Variants in OASL observed in about 807,000 individuals in gnomAD.
OASL encodes 2'-5'-oligoadenylate synthase-like protein.
OASL carries 28 observed loss-of-function variants against 35.3 expected under a neutral mutation model. The ratio of observed to expected loss-of-function variants is 0.79; its 90% confidence interval spans 0.59 to 1.09. The LOEUF (loss-of-function observed/expected upper bound fraction) is 1.09, where lower values mean the gene tolerates loss of function less well. Ranked by LOEUF, OASL falls within the 50% of genes least tolerant of loss-of-function variation. The pLI is 0.00. For synonymous variants in OASL, 252 were observed against 254.6 expected (o/e 0.99, Z 0.10); for missense variants, 620 against 635.2 (o/e 0.98, Z 0.26).
At chr12:121,027,943 T>G (rs1387011839) in intron 3 of OASL, 126 bp from the exon 4 acceptor site, 8 of 757,520 alleles carry the variant, frequency 1.1e-5, no homozygotes, top group Non-Finnish European at 1.7e-5. Flanking sequence ...CTGTGTGACC[T>G]TGGCCATGTC....
At position 121,024,155 on chromosome 12, in the gene OASL, G is replaced by A; in HGVS notation, c.900-18C>T. 6.2e-7 allele frequency: 1 copy of A among 1,612,150 alleles called. No homozygotes were observed. Among genetic ancestry groups the A allele is most frequent in the Non-Finnish European group, 8.5e-7 (1 of 1,178,930 alleles). On this transcript the variant is annotated intron_variant, in intron 4 of 5. Coordinates refer to ENST00000257570, the Ensembl canonical transcript of OASL. ...TGATGGGCCTGTAACACAGGAAAAGGGTGCCCAGGCTCATAATGGTTTGAA... is the reference window on the plus strand; with the variant it reads ...TGATGGGCCTGTAACACAGGAAAAGAGTGCCCAGGCTCATAATGGTTTGAA...
exon 3 of OASL, chr12:121,031,450 A>T (rs1260226166): frequency 1.2e-6 from 2 of 1,613,094 alleles, no homozygotes; most frequent in African/African-American, 2.7e-5. Context: ...ACCTGCTGGT[A>T]CCAGTGTTTC....
chr12:121,039,180 A>G, exon 1 of OASL: 1 of 585,684 alleles, frequency 1.7e-6, no homozygotes, highest in Non-Finnish European at 3.1e-6. Context: ...GTAGGGGCAC[A>G]GGAGGACTCT....
chr12:121,033,492 C>T (rs1470209811), exon 2 of OASL: 8 of 1,613,362 alleles, frequency 5.0e-6, no homozygotes, highest in Admixed American at 1.7e-5. Flanking sequence ...CAATGGTGAC[C>T]GTGATGGGCT....
At chr12:121,027,506 T>C (rs1233781549) in intron 4 of OASL, 70 bp downstream of exon 4, 1 of 1,595,588 alleles carries the variant, frequency 6.3e-7, no homozygotes, top group Admixed American at 1.7e-5. Flanking sequence ...CATAAAACTC[T>C]ATGCCACGTT....
At chr12:121,031,730 T>C (rs768461032) in intron 2 of OASL, 113 bp from the exon 3 acceptor site, 213 of 805,992 alleles carry the variant, frequency 2.6e-4, no homozygotes, top group Non-Finnish European at 4.1e-4. Context: ...CCAGGGACAC[T>C]TGAGACCTCA....
At chr12:121,020,373 G>A (rs762481400) in exon 6 of OASL, 21 of 582,406 alleles carry the variant, frequency 3.6e-5, no homozygotes, top group African/African-American at 7.5e-5. Context: ...CGGCTCAAGC[G>A]CTCCTCCCAC....
intron 1 of OASL, among the ~76,000 whole-genome samples, chr12:121,035,758 A>C (rs1869929105): frequency 6.6e-6 from 1 of 152,012 alleles, no homozygotes; most frequent in African/African-American, 2.4e-5. Context: ...CTTCCAAGGG[A>C]CCATGGGCAT....
In OASL at chr12:121,037,723, G is replaced by A. The variant is rs192518687; in HGVS notation, c.198+1051C>T. On this transcript the variant is annotated intron_variant, in intron 1 of 5. Coordinates refer to ENST00000257570, the Ensembl canonical transcript of OASL. ...GGAGGCAGAGGTTGCAGTGAGCTGA[G>A]ATCGTGCCACTGCACTCCAGCCTGG... 6.9e-3 allele frequency among the ~76,000 whole-genome samples: 1,045 copies of A among 151,028 alleles called. 12 individuals carry two copies. The highest frequency in any genetic ancestry group is 0.052 in the South Asian group (251 of 4,804).
chr12:121,027,600 A>C (rs1869541758), exon 4 of OASL: 1 of 1,614,128 alleles, frequency 6.2e-7, no homozygotes, highest in East Asian at 2.2e-5. Context: ...CTGTTTTCTG[A>C]CACAATCCTC....
intron 4 of OASL, among the ~76,000 whole-genome samples, chr12:121,025,566 A>C (rs1368503065): frequency 6.6e-6 from 1 of 151,394 alleles, no homozygotes; most frequent in African/African-American, 2.4e-5. Flanking sequence ...GGAGTTCAAG[A>C]CCAGGCTGGC....
Position 121,021,017 on chromosome 12 carries a change from G to A in OASL, c.1089C>T (p.Tyr363=), listed in dbSNP as rs150028493. ...GGTTCACGATGAGGTTGAAATCTGG[G>A]TAACCCCTCTGCTCCACTGTCAAGT... Residue 363 remains tyrosine, a synonymous_variant, in exon 6 of 6, where the codon TAC becomes TAT. Coordinates refer to ENST00000257570, the Ensembl canonical transcript of OASL. The A allele has an allele frequency of 8.0e-5, 128 of 1,609,850 alleles. No homozygotes were observed. The Middle Eastern group carries it at 8.5e-4, about 11-fold the overall frequency.
chr12:121,025,593 T>C (rs1390708516), intron 4 of OASL, among the ~76,000 whole-genome samples: 2 of 151,408 alleles, frequency 1.3e-5, no homozygotes, highest in Non-Finnish European at 2.9e-5. Context: ...GGTGAAACCG[T>C]GTCTCTACTA....
chr12:121,020,834 G>A (rs1339016562), exon 6 of OASL: 1 of 1,614,238 alleles, frequency 6.2e-7, no homozygotes, highest in East Asian at 2.2e-5. Flanking sequence ...CCAGCAGATA[G>A]ATGTGAGTGT....
exon 6 of OASL, chr12:121,020,035 T>G (rs1173067895): frequency 2.0e-5 from 3 of 152,932 alleles, no homozygotes; most frequent in Non-Finnish European, 4.4e-5. Context: ...GTGCGTCATG[T>G]GACCACACTA....
At chr12:121,025,372 C>T (rs904606841) in intron 4 of OASL, among the ~76,000 whole-genome samples, 2 of 152,202 alleles carry the variant, frequency 1.3e-5, no homozygotes, top group Non-Finnish European at 2.9e-5. Flanking sequence ...AAAGTCTCTC[C>T]TTTCTATAAA....
At chr12:121,031,324 CCTCT>C (rs1873752273) in intron 3 of OASL, 114 bp downstream of exon 3, 1 of 930,166 alleles carries the variant, frequency 1.1e-6, no homozygotes. Context: ...GCATTCTCTC[CCTCT>C]CTACCTGCTT....
At chr12:121,018,703 CTAAAAA>C (rs1869122932), downstream of OASL, among the ~76,000 whole-genome samples, 2 of 150,286 alleles carry the variant, frequency 1.3e-5, no homozygotes. Flanking sequence ...CCCGTCTCTA[CTAAAAA>C]TAAAAAAAAA....
chr12:121,026,623 A>G (rs1197997757), intron 4 of OASL, among the ~76,000 whole-genome samples: 2 of 152,166 alleles, frequency 1.3e-5, no homozygotes, highest in Non-Finnish European at 2.9e-5. Flanking sequence ...AGGCCAAGGC[A>G]GGCGCATCAC....
Sources: allele counts gnomAD v4.1 joint callset (sites outside exome capture counted in the v4.1 genomes callset), GRCh38; gene constraint gnomAD v4.1.1; transcripts MANE v1.5; gene names NCBI Gene and HGNC (gene_info 2026-07-23, HGNC 2026-07-21).